Variants in CNTNAP2 observed in about 807,000 individuals in gnomAD.
CNTNAP2 encodes the protein contactin-associated protein-like 2.
A neutral mutation model predicts 155.2 loss-of-function variants in CNTNAP2; 98 were observed. The ratio of observed to expected loss-of-function variants is 0.63; its 90% CI spans 0.54 to 0.75. CNTNAP2 has a LOEUF of 0.75. CNTNAP2 is among the 30% of genes least tolerant of loss of function. CNTNAP2 has a pLI of 0.00. For synonymous variants in CNTNAP2, 651 were observed against 631.2 expected (o/e 1.03, Z -0.47); for missense variants, 1,727 against 1,688.1 (o/e 1.02, Z -0.40).
intron 3 of CNTNAP2, among the ~76,000 whole-genome samples, chr7:146,993,996 A>C (rs2129239367): frequency 6.6e-6 from 1 of 152,296 alleles, no homozygotes; most frequent in African/African-American, 2.4e-5. Context: ...AATAAATATT[A>C]TCATCATTTT....
chr7:147,379,521 T>C lies in CNTNAP2; in HGVS notation c.1499-16088T>C, dbSNP rs556735748. On this transcript the variant is annotated intron_variant, in intron 9 of 23. Coordinates refer to ENST00000361727, the MANE Select transcript of CNTNAP2 (RefSeq NM_014141.6). Reference sequence around the variant, plus strand: ...TTCAAAAGATACCAGCTTGGAACCATTTTTTCTATTTTAAGTTCTTGATTT... The same window carrying C: ...TTCAAAAGATACCAGCTTGGAACCACTTTTTCTATTTTAAGTTCTTGATTT... Among the ~76,000 whole-genome samples the C allele has an allele frequency of 5.6e-3, 853 of 152,180 alleles. 1 individual carries two copies. Among genetic ancestry groups the C allele is most frequent in the Non-Finnish European group, 9.4e-3 (641 of 67,992 alleles).
intron 13 of CNTNAP2, among the ~76,000 whole-genome samples, chr7:147,659,398 A>G (rs1332851727): frequency 6.6e-6 from 1 of 152,250 alleles, no homozygotes; most frequent in African/African-American, 2.4e-5. Flanking sequence ...AGATATAGAA[A>G]CACATGCTCA....
intron 21 of CNTNAP2, among the ~76,000 whole-genome samples, chr7:148,276,576 A>T (rs1035797082): frequency 6.6e-6 from 1 of 152,258 alleles, no homozygotes; most frequent in Non-Finnish European, 1.5e-5. Flanking sequence ...AGCGAATCGC[A>T]GTCAGTGGTT....
At chr7:147,324,985 C>T (rs1461837570) in intron 9 of CNTNAP2, among the ~76,000 whole-genome samples, 1 of 152,116 alleles carries the variant, frequency 6.6e-6, no homozygotes, top group African/African-American at 2.4e-5. Flanking sequence ...TTTAAAACAT[C>T]CATGTTTCAA....
rs145560911 is a variant in CNTNAP2, at chr7:147,649,596, G to A, written c.2098+10290G>A. Among the ~76,000 whole-genome samples, 608 of 152,004 alleles carry A rather than the reference G, an allele frequency of 4.0e-3. 3 individuals carry two copies. Among genetic ancestry groups the A allele is most frequent in the African/African-American group, 0.014 (572 of 41,490 alleles). ...TGAAGATGATCACATCTTAATGAAC[G>A]GATTTGTCCTAATTTATGAGAAGTA... is the stretch of plus-strand genomic sequence containing the variant. On this transcript the variant is annotated intron_variant, in intron 13 of 23. Transcript: ENST00000361727.
At chr7:147,906,973 A>G (rs995360573) in intron 14 of CNTNAP2, among the ~76,000 whole-genome samples, 3 of 152,172 alleles carry the variant, frequency 2.0e-5, no homozygotes, top group Admixed American at 6.5e-5. Context: ...AGCAGCTAAG[A>G]CATCCCACTC....
At chr7:148,215,288 A>C (rs1795616418) in intron 18 of CNTNAP2, among the ~76,000 whole-genome samples, 1 of 152,204 alleles carries the variant, frequency 6.6e-6, no homozygotes, top group Admixed American at 6.5e-5. Context: ...GGATTACATA[A>C]TTGTTTTAAA....
At chr7:146,629,228 C>T (rs1163816253) in intron 1 of CNTNAP2, among the ~76,000 whole-genome samples, 3 of 152,042 alleles carry the variant, frequency 2.0e-5, no homozygotes, top group Non-Finnish European at 4.4e-5. Flanking sequence ...TGGCAGTTAC[C>T]CCTCTCACTC....
intron 21 of CNTNAP2, among the ~76,000 whole-genome samples, chr7:148,322,571 C>T (rs148115521): frequency 1.3e-5 from 2 of 152,042 alleles, no homozygotes; most frequent in African/African-American, 4.8e-5. Flanking sequence ...TACTTGGGCA[C>T]GTCTAGGATC....
intron 1 of CNTNAP2, among the ~76,000 whole-genome samples, chr7:146,161,135 T>C (rs535672994): frequency 3.2e-4 from 49 of 152,260 alleles, no homozygotes; most frequent in Non-Finnish European, 1.0e-4. Context: ...AAAAGGCCTT[T>C]GACAAAATTC....
At chr7:147,734,594 C>G (rs1292772534) in intron 13 of CNTNAP2, among the ~76,000 whole-genome samples, 2 of 152,318 alleles carry the variant, frequency 1.3e-5, no homozygotes, top group East Asian at 3.9e-4. Context: ...AGGAATGGTA[C>G]CAACTCCTCC....
At chr7:147,993,555 C>T (rs530604322) in intron 15 of CNTNAP2, among the ~76,000 whole-genome samples, 7 of 152,166 alleles carry the variant, frequency 4.6e-5, no homozygotes, top group South Asian at 2.1e-4. Flanking sequence ...ACTGTAGTTC[C>T]GGGCAGTGTC....
chr7:147,518,757 G>A (rs998728627), intron 11 of CNTNAP2, among the ~76,000 whole-genome samples: 19 of 152,116 alleles, frequency 1.2e-4, no homozygotes, highest in Non-Finnish European at 1.8e-4. Flanking sequence ...ATGGCTGGGC[G>A]TGGTGGCTCA....
chr7:146,519,722 G>A (rs1350275426), intron 1 of CNTNAP2, among the ~76,000 whole-genome samples: 1 of 151,832 alleles, frequency 6.6e-6, no homozygotes, highest in Non-Finnish European at 1.5e-5. Context: ...AGACACGCAG[G>A]GGAGGATATT....
At chr7:147,515,321 C>CTTTTTTTTTTTTTTTTTTTTTTTTTT (rs763147267) in intron 11 of CNTNAP2, among the ~76,000 whole-genome samples, 3 of 126,164 alleles carry the variant, frequency 2.4e-5, no homozygotes, top group African/African-American at 2.8e-5. Context: ...TCATTATATT[C>CTTTTTTTTTTTTTTTTTTTTTTTTTT]TTTTTTTGTT....
At chr7:146,574,260 T>A (rs1348817115) in intron 1 of CNTNAP2, among the ~76,000 whole-genome samples, 1 of 152,162 alleles carries the variant, frequency 6.6e-6, no homozygotes, top group Non-Finnish European at 1.5e-5. Flanking sequence ...CTGTGATGAG[T>A]TGTATTGGTT....
chr7:147,656,769 AAAC>A lies in CNTNAP2; in HGVS notation c.2098+17472_2098+17474del, dbSNP rs200275754. ...AGTGAGAGCATGCCATTGAAAAAAC[AAAC>A]AACAACAAAAAAACCCGATGCCAAT... On this transcript the variant is annotated intron_variant, in intron 13 of 23. Transcript: ENST00000361727. Among the ~76,000 whole-genome samples the A allele has an allele frequency of 4.2e-3, 627 of 149,270 alleles. 4 individuals are homozygous for A. Among genetic ancestry groups the A allele is most frequent in the African/African-American group, 0.014 (596 of 41,302 alleles).
chr7:146,752,506 T>G (rs1281418049), intron 1 of CNTNAP2, among the ~76,000 whole-genome samples: 1 of 152,190 alleles, frequency 6.6e-6, no homozygotes, highest in Admixed American at 6.5e-5. Context: ...TTCTTGTAGA[T>G]TCTGGATATT....
intron 8 of CNTNAP2, chr7:147,146,629 A>C (rs1801709331): frequency 6.6e-6 from 1 of 152,422 alleles, no homozygotes; most frequent in Admixed American, 6.5e-5. Context: ...GGAAAGTTTG[A>C]AGTAAAAAAG....
Sources: allele counts gnomAD v4.1 joint callset (sites outside exome capture counted in the v4.1 genomes callset), GRCh38; gene constraint gnomAD v4.1.1; transcripts MANE v1.5; gene names NCBI Gene and HGNC (gene_info 2026-07-23, HGNC 2026-07-21).